Variants in PRMT8 observed in about 807,000 individuals in gnomAD.
PRMT8 encodes the protein protein arginine methyltransferase 8.
A neutral mutation model predicts 47.1 loss-of-function variants in PRMT8; 7 were observed. That is an observed-to-expected ratio of 0.15 (90% CI 0.08 to 0.28). PRMT8 has a LOEUF of 0.28. PRMT8 is among the 10% of genes least tolerant of loss of function. The pLI is 1.00. For synonymous variants in PRMT8, 188 were observed against 186.5 expected, an observed-to-expected ratio of 1.01 and a Z score of -0.07; for missense variants, 237 against 505.4, an observed-to-expected ratio of 0.47 and a Z score of 5.09.
chr12:3,558,645 C>T (rs1866569284), intron 4 of PRMT8, among the ~76,000 whole-genome samples: 1 of 152,186 alleles, frequency 6.6e-6, no homozygotes, highest in African/African-American at 2.4e-5. Flanking sequence ...TGGAAGAGCA[C>T]AGGCCAGTGT....
chr12:3,414,542 A>C (rs923857959), intron 1 of PRMT8, among the ~76,000 whole-genome samples: 1 of 152,206 alleles, frequency 6.6e-6, no homozygotes, highest in African/African-American at 2.4e-5. Flanking sequence ...GGGACTGGTC[A>C]GTTGCTTCTC....
At position 3,583,690 on chromosome 12, in the gene PRMT8, T is replaced by G. The variant is rs1349039676; in HGVS notation, c.979+482T>G. On this transcript the variant is annotated intron_variant, in intron 8 of 9. Transcript: ENST00000382622. The surrounding 1 kb of genome is among the most constrained non-coding windows in gnomAD (Gnocchi z 4.7). ...CCATCCTTCATTAAATCTCTGTTGG[T>G]GTTCCCCCAAGATCACCCCACTGCT... 4.6e-5 allele frequency among the ~76,000 whole-genome samples: 7 copies of G among 152,198 alleles called. No homozygotes were observed. Among genetic ancestry groups the G allele is most frequent in the Admixed American group, 4.6e-4 (7 of 15,280 alleles).
intron 1 of PRMT8, among the ~76,000 whole-genome samples, chr12:3,458,828 C>T (rs1865005082): frequency 6.6e-6 from 1 of 152,234 alleles, no homozygotes; most frequent in Non-Finnish European, 1.5e-5. Flanking sequence ...CGAGGGCTGT[C>T]ACTAAGCCCC....
intron 1 of PRMT8, among the ~76,000 whole-genome samples, chr12:3,531,038 G>A (rs1015866852): frequency 2.0e-5 from 3 of 152,182 alleles, no homozygotes; most frequent in African/African-American, 4.8e-5. Flanking sequence ...GTGTGCCTAC[G>A]AAGCGGGTAC....
intron 1 of PRMT8, among the ~76,000 whole-genome samples, chr12:3,533,594 C>T (rs1413880265): frequency 6.6e-6 from 1 of 152,220 alleles, no homozygotes; most frequent in Non-Finnish European, 1.5e-5. Flanking sequence ...GGCTTCCAGC[C>T]CCGAGGGTAA....
chr12:3,392,091 G>A (rs1284597152), intron 1 of PRMT8, among the ~76,000 whole-genome samples: 1 of 152,190 alleles, frequency 6.6e-6, no homozygotes, highest in African/African-American at 2.4e-5. Context: ...TATGCAGGAT[G>A]AGAGGAGGCA....
intron 1 of PRMT8, chr12:3,462,812 G>C (rs1445789782): frequency 1.3e-5 from 2 of 152,000 alleles, no homozygotes; most frequent in Non-Finnish European, 2.9e-5. Flanking sequence ...GGCTGAAAGT[G>C]GTAGAAACCA....
At chr12:3,425,179 T>G (rs1358443083) in intron 1 of PRMT8, among the ~76,000 whole-genome samples, 3 of 152,226 alleles carry the variant, frequency 2.0e-5, no homozygotes, top group Non-Finnish European at 4.4e-5. Flanking sequence ...TGTGGGAATT[T>G]TCACATAGCA....
At chr12:3,416,846 G>C (rs964149743) in intron 1 of PRMT8, among the ~76,000 whole-genome samples, 1 of 152,230 alleles carries the variant, frequency 6.6e-6, no homozygotes, top group Non-Finnish European at 1.5e-5. Flanking sequence ...TGGAGATTGC[G>C]CTGCTGCAGG....
At chr12:3,588,525 G>A (rs1368108718) in intron 8 of PRMT8, among the ~76,000 whole-genome samples, 3 of 152,166 alleles carry the variant, frequency 2.0e-5, no homozygotes, top group African/African-American at 7.2e-5. Flanking sequence ...TTGCCTGAAT[G>A]TCTTCTCACT....
chr12:3,475,758 G>A (rs1865206057), intron 1 of PRMT8, among the ~76,000 whole-genome samples: 1 of 136,458 alleles, frequency 7.3e-6, no homozygotes, highest in South Asian at 2.6e-4. Context: ...GAGGGGGAGG[G>A]TTGGGATGGG....
At chr12:3,397,973 T>C (rs908002284) in intron 1 of PRMT8, among the ~76,000 whole-genome samples, 4 of 152,208 alleles carry the variant, frequency 2.6e-5, no homozygotes, top group African/African-American at 4.8e-5. Flanking sequence ...GGCCTGATTT[T>C]CCAGGTGCCG....
At chr12:3,590,644 A>G (rs371631174) in intron 8 of PRMT8, among the ~76,000 whole-genome samples, 18 of 151,928 alleles carry the variant, frequency 1.2e-4, no homozygotes, top group African/African-American at 4.4e-4. Context: ...AAAAAAAAAA[A>G]AAAAGAAATC....
chr12:3,446,506 C>T (rs1008386424), intron 1 of PRMT8, among the ~76,000 whole-genome samples: 8 of 152,196 alleles, frequency 5.3e-5, no homozygotes, highest in African/African-American at 1.9e-4. Context: ...TGCCACCAAC[C>T]TGCACAGGCC....
Position 3,540,612 on chromosome 12 carries a change from A to AGG in PRMT8, c.83_84insGG (p.Ser28ArgfsTer39). ...CCCCTTCTCTTCCCCTCAGGTGAAC[A>AGG]GCCCCCCCTCCCAGCCCCCCCAGCC... On this transcript the variant is annotated frameshift_variant, in exon 2 of 10. Transcript: ENST00000382622. LOFTEE classifies it high-confidence loss of function. 8.8e-7 allele frequency: 1 copy of AGG among 1,131,132 alleles called. No homozygotes were observed. The highest frequency in any genetic ancestry group is 1.3e-6 in the Non-Finnish European group (1 of 749,218). The allele number at this position is 1,131,132 out of a possible 1,614,324, so 70.1% of individuals were successfully genotyped here. A position where few individuals can be genotyped will look rare whatever the true frequency, so the allele number is the denominator to read the frequency against.
rs1866162015 is a variant in PRMT8, at chr12:3,538,562, T to C, written c.76-2044T>C. 3.9e-6 allele frequency: 2 copies of C among 510,506 alleles called. No individual in the cohort carries two copies. Among genetic ancestry groups the C allele is most frequent in the South Asian group, 2.8e-5 (2 of 70,244 alleles). The allele number at this position is 510,506 out of a possible 1,614,324, so 31.6% of individuals were successfully genotyped here. A position where few individuals can be genotyped will look rare whatever the true frequency, so the allele number is the denominator to read the frequency against. On this transcript the variant is annotated intron_variant, in intron 1 of 9. Transcript: ENST00000382622. This position sits in a 1 kb window ranked among gnomAD's most constrained non-coding sequence, Gnocchi z 4.6. Reference sequence around the variant, plus strand: ...AGAGAGCCTTGGAACCAGAGTGGAGTGACAGCTAAGGGGTGCTGGAGGCCC... The same window carrying C: ...AGAGAGCCTTGGAACCAGAGTGGAGCGACAGCTAAGGGGTGCTGGAGGCCC...
intron 1 of PRMT8, among the ~76,000 whole-genome samples, chr12:3,454,646 C>T (rs1335905871): frequency 1.3e-5 from 2 of 152,024 alleles, no homozygotes; most frequent in African/African-American, 4.8e-5. Flanking sequence ...GTGAAACCAC[C>T]CCTATAAACT....
At chr12:3,581,384 T>C (rs1168954961) in intron 7 of PRMT8, among the ~76,000 whole-genome samples, 2 of 152,150 alleles carry the variant, frequency 1.3e-5, no homozygotes, top group Non-Finnish European at 2.9e-5. Context: ...TTCATTAGTT[T>C]TGAAGAAGGA....
intron 6 of PRMT8, among the ~76,000 whole-genome samples, chr12:3,574,375 C>T (rs1162526838): frequency 1.3e-5 from 2 of 152,266 alleles, no homozygotes; most frequent in South Asian, 2.1e-4. Flanking sequence ...CTCCCTGGCT[C>T]TCAAATCTGG....
Sources: gnomAD v4.1 joint callset for allele counts (sites outside exome capture counted in the v4.1 genomes callset) on GRCh38, gnomAD v4.1.1 for gene constraint, Gnocchi (gnomAD v3.1) non-coding constraint, MANE v1.5 for transcripts, NCBI Gene and HGNC (gene_info 2026-07-23, HGNC 2026-07-21) for gene names.